Variants in FZD6 observed in about 807,000 individuals in gnomAD.
FZD6 encodes the protein frizzled class receptor 6.
Under a neutral mutation model 61.4 loss-of-function variants are expected in FZD6, and 49 were observed. That is an observed-to-expected ratio of 0.80 (90% CI 0.63 to 1.01). The LOEUF is 1.01. Ranked by LOEUF, FZD6 falls within the 50% of genes least tolerant of loss-of-function variation. The pLI is 0.00. For missense variants in FZD6, 724 were observed against 848.2 expected, an observed-to-expected ratio of 0.85 and a Z score of 1.82; for synonymous variants, 265 against 292.2, an observed-to-expected ratio of 0.91 and a Z score of 0.95.
chr8:103,310,019 G>T (rs827537), intron 2 of FZD6, among the ~76,000 whole-genome samples: 31,491 of 151,924 alleles, frequency 0.21, 3,617 homozygotes, highest in Middle Eastern at 0.35. Context: ...TGGGGCAGGG[G>T]GCTATTTATT....
chr8:103,301,299 G>T (rs143619278), intron 2 of FZD6, among the ~76,000 whole-genome samples: 1 of 152,088 alleles, frequency 6.6e-6, no homozygotes, highest in East Asian at 1.9e-4. Flanking sequence ...TTATATTATT[G>T]TTATCTTTCA....
intron 2 of FZD6, among the ~76,000 whole-genome samples, chr8:103,316,274 A>G (rs1356466037): frequency 6.6e-6 from 1 of 152,164 alleles, no homozygotes. Flanking sequence ...CCTAGCAGCA[A>G]TTTTCCTAGT....
intron 5 of FZD6, among the ~76,000 whole-genome samples, chr8:103,328,994 T>C (rs1360419373): frequency 7.2e-6 from 1 of 139,460 alleles, no homozygotes. Flanking sequence ...TTTATATTTA[T>C]GAGTAATTCA....
intron 2 of FZD6, among the ~76,000 whole-genome samples, chr8:103,310,945 A>G (rs1239082211): frequency 1.3e-5 from 2 of 152,144 alleles, no homozygotes; most frequent in Non-Finnish European, 2.9e-5. Flanking sequence ...TCACTTGCAA[A>G]CCATTCTTTA....
Position 103,325,235 on chromosome 8 carries a change from C to T in FZD6, c.1129C>T (p.Leu377Phe), listed in dbSNP as rs770896684. ...CTACTTTGTACTCTTGCCACTGTGCCTTTGTGTGTTTGTTGGGCTCTCTCT... is the reference window on the plus strand; with the variant it reads ...CTACTTTGTACTCTTGCCACTGTGCTTTTGTGTGTTTGTTGGGCTCTCTCT... Reference protein sequence around the residue: ...SRYFVLLPLCLCVFVGLSLLL... With the variant: ...SRYFVLLPLCFCVFVGLSLLL... Residue 377 changes from leucine (L) to phenylalanine (F), a missense_variant, in exon 4 of 7, where the codon CTT (leucine) becomes TTT (phenylalanine). Leu to Phe is a conservative substitution (Grantham distance 22). Coordinates refer to ENST00000358755, the MANE Select transcript of FZD6 (RefSeq NM_003506.4). The T allele has an allele frequency of 2.3e-5, 37 of 1,614,028 alleles. No homozygotes were observed. In the African/African-American group the frequency reaches 3.7e-4, roughly 16 times the overall value.
chr8:103,309,086 T>C (rs79237321), intron 2 of FZD6, among the ~76,000 whole-genome samples: 107 of 152,294 alleles, frequency 7.0e-4, no homozygotes, highest in African/African-American at 2.5e-3. Flanking sequence ...TAAGCTTTGA[T>C]GTGCATCAGA....
intron 2 of FZD6, 91 bp downstream of exon 2, chr8:103,300,375 G>T: frequency 4.2e-6 from 4 of 954,130 alleles, no homozygotes; most frequent in Non-Finnish European, 6.9e-6. Flanking sequence ...AAACAGAGCC[G>T]ATTTCTTCAA....
intron 3 of FZD6, among the ~76,000 whole-genome samples, chr8:103,323,588 GCC>G (rs1430731960): frequency 2.0e-5 from 3 of 151,790 alleles, no homozygotes; most frequent in African/African-American, 4.8e-5. Context: ...CTGTCACCAC[GCC>G]CAGCTAATTT....
rs780889553 is a variant in FZD6 at position 103,328,291 on chromosome 8, A to G, written c.1416A>G (p.Glu472=). ...PYQAKAKARP[E]LALFMIKYLM... is the part of the protein sequence containing the mutation. ...AGGCAAAAGCAAAAGCTCGACCAGA[A>G]TTGGCTTTATTTATGATAAAATACC... Residue 472 remains glutamate (E), a synonymous_variant, in exon 5 of 7, where the codon GAA becomes GAG. Transcript: ENST00000358755. 6.2e-7 allele frequency: 1 copy of G among 1,611,944 alleles called. No homozygotes were observed. The highest frequency in any genetic ancestry group is 1.3e-5 in the African/African-American group (1 of 74,988).
At chr8:103,306,494 C>CTTTT (rs71292793) in intron 2 of FZD6, among the ~76,000 whole-genome samples, 2 of 65,198 alleles carry the variant, frequency 3.1e-5, no homozygotes, top group African/African-American at 6.2e-5. Flanking sequence ...AGGTTCATCA[C>CTTTT]TTTTTTTTTT....
Position 103,300,265 on chromosome 8 carries a change from T to C in FZD6, c.158T>C (p.Ile53Thr). The C allele has an allele frequency of 6.2e-7, 1 of 1,611,180 alleles. No individual in the cohort carries two copies. The highest frequency in any genetic ancestry group is 1.1e-5 in the South Asian group (1 of 91,044). ...PNLMGHYDQS[I>T]AAVEMEHFLP... ...CTGATGGGTCATTATGACCAGAGTA[T>C]TGCCGCGGTGGAAATGGAGGTGAGT... is the stretch of plus-strand genomic sequence containing the variant. Residue 53 changes from isoleucine (I) to threonine (T), a missense_variant, in exon 2 of 7, where the codon ATT becomes ACT. Coordinates refer to ENST00000358755, the MANE Select transcript of FZD6 (RefSeq NM_003506.4).
At position 103,332,037 on chromosome 8, in the gene FZD6, CT is replaced by C. The variant is rs1815152592; in HGVS notation, c.*530del. 1 of 154,822 alleles carries C rather than the reference CT, an allele frequency of 6.5e-6. No individual in the cohort carries two copies. The highest frequency in any genetic ancestry group is 2.4e-5 in the African/African-American group (1 of 41,416). The allele number at this position is 154,822 out of a possible 1,614,324, so 9.6% of individuals were successfully genotyped here. On this transcript the variant is annotated 3_prime_UTR_variant, in exon 7 of 7. Transcript: ENST00000358755. ...ATTTCTAAGAAAATTGTAAAATAGT[CT>C]TCTTTTATACTGTAAAAAAAGATAT...
In FZD6 at chr8:103,305,268, T is replaced by C. The variant is rs189994554; in HGVS notation, c.177+4984T>C. 2.0e-3 allele frequency among the ~76,000 whole-genome samples: 308 copies of C among 152,352 alleles called. 2 individuals carry two copies. Among genetic ancestry groups the C allele is most frequent in the African/African-American group, 7.2e-3 (299 of 41,590 alleles). ...GCAAAAGCCAGGTCACGTATTGTGT[T>C]TGGAGCAGCAAGTGGTCATTCCCTT... is the stretch of plus-strand genomic sequence containing the variant. On this transcript the variant is annotated intron_variant, in intron 2 of 6. Transcript: ENST00000358755.
chr8:103,299,906 T>G, intron 1 of FZD6, 50 bp from the exon 2 acceptor site: 14 of 526,576 alleles, frequency 2.7e-5, no homozygotes, highest in Middle Eastern at 5.2e-4. Context: ...TGACTCCACA[T>G]TTGAGTTTAT....
At chr8:103,330,190 A>G in intron 6 of FZD6, 125 bp downstream of exon 6, 1 of 877,592 alleles carries the variant, frequency 1.1e-6, no homozygotes, top group South Asian at 1.5e-5. Context: ...ACCCCAAGGA[A>G]GTTTGGGTTC....
chr8:103,322,750 G>A (rs1814827463), intron 3 of FZD6, among the ~76,000 whole-genome samples: 1 of 152,106 alleles, frequency 6.6e-6, no homozygotes, highest in South Asian at 2.1e-4. Flanking sequence ...CACACTTCTG[G>A]TAGATACATA....
At chr8:103,322,107 G>C (rs1013082773) in intron 3 of FZD6, among the ~76,000 whole-genome samples, 8 of 152,098 alleles carry the variant, frequency 5.3e-5, no homozygotes, top group Admixed American at 5.2e-4. Flanking sequence ...AAGTGAAAAC[G>C]TTACAAACAT....
intron 4 of FZD6, among the ~76,000 whole-genome samples, chr8:103,326,425 A>G (rs943350728): frequency 6.6e-6 from 1 of 152,098 alleles, no homozygotes; most frequent in Admixed American, 6.6e-5. Context: ...ATCCTGCTAT[A>G]TTAATAATGA....
rs75231033 is a variant in FZD6, at chr8:103,316,087, A to C, written c.178-2503A>C. Among the ~76,000 whole-genome samples, 1,302 of 152,344 alleles carry C rather than the reference A, an allele frequency of 8.5e-3. 20 individuals carry two copies. Among genetic ancestry groups the C allele is most frequent in the African/African-American group, 0.029 (1,216 of 41,576 alleles). ...ACAGTTTTTGATTAAATGAATAGTCAGTGATAATATTACTAGAAATATTAA... is the reference window on the plus strand; with the variant it reads ...ACAGTTTTTGATTAAATGAATAGTCCGTGATAATATTACTAGAAATATTAA... On this transcript the variant is annotated intron_variant, in intron 2 of 6. Coordinates refer to ENST00000358755, the MANE Select transcript of FZD6 (RefSeq NM_003506.4).
Sources: gnomAD v4.1 joint callset for allele counts (sites outside exome capture counted in the v4.1 genomes callset) on GRCh38, gnomAD v4.1.1 for gene constraint, MANE v1.5 for transcripts, NCBI Gene and HGNC (gene_info 2026-07-23, HGNC 2026-07-21) for gene names.